The following PRRC2B variants were observed in gnomAD, a reference collection of about 807,000 sequenced individuals.
PRRC2B encodes proline rich coiled-coil 2B.
A neutral mutation model predicts 242.3 loss-of-function variants in PRRC2B; 68 were observed. The ratio of observed to expected loss-of-function variants is 0.28; its 90% CI spans 0.23 to 0.34. The LOEUF is 0.34. PRRC2B is among the 10% of genes least tolerant of loss of function. PRRC2B has a pLI of 1.00. For synonymous variants in PRRC2B, 1,228 were observed against 1,173.6 expected, an observed-to-expected ratio of 1.05 and a Z score of -0.95; for missense variants, 2,835 against 2,954.8, an observed-to-expected ratio of 0.96 and a Z score of 0.94.
In PRRC2B at chr9:131,487,777, C is replaced by G; in HGVS notation, c.5985-79C>G. 6.5e-7 allele frequency: 1 copy of G among 1,537,444 alleles called. No homozygotes were observed. The highest frequency in any genetic ancestry group is 8.8e-7 in the Non-Finnish European group (1 of 1,135,934). On this transcript the variant is annotated intron_variant, in intron 27 of 31. Transcript: ENST00000683519. The surrounding 1 kb of genome is among the most constrained non-coding windows in gnomAD (Gnocchi z 5.3). ...GGGATCTGTGGTTTAGCAAGCTCTCCGGGGATCTCTGAAGGGTGGGACCAG... is the reference window on the plus strand; with the variant it reads ...GGGATCTGTGGTTTAGCAAGCTCTCGGGGGATCTCTGAAGGGTGGGACCAG...
chr9:131,421,337 T>C (rs991661855), intron 1 of PRRC2B, among the ~76,000 whole-genome samples: 1 of 152,164 alleles, frequency 6.6e-6, no homozygotes, highest in Admixed American at 6.5e-5. Flanking sequence ...TTGCCAGACA[T>C]TGATTGGTGT....
chr9:131,484,816 G>A (rs771126059), intron 24 of PRRC2B, 26 bp downstream of exon 24: 5 of 1,587,260 alleles, frequency 3.2e-6, no homozygotes, highest in Non-Finnish European at 4.3e-6. Flanking sequence ...AGCTGGGTGA[G>A]GGCCCACCCA....
chr9:131,467,424 C>G, intron 12 of PRRC2B, 139 bp from the exon 13 acceptor site: 1 of 730,334 alleles, frequency 1.4e-6, no homozygotes, highest in East Asian at 2.7e-5. Context: ...GCGTTTGGCA[C>G]AGGGCCAGGG....
At position 131,473,592 on chromosome 9, in the gene PRRC2B, A is replaced by G; in HGVS notation, c.2192A>G (p.Gln731Arg). The change falls in exon 15 of 32, where the codon CAA (glutamine) becomes CGA (arginine). Residue 731 changes from glutamine to arginine, a missense_variant. Transcript: ENST00000683519. The part of the protein sequence containing the change: ...SEDQNCVPPL[Q>R]ERKVTPIDSP... Reference sequence around the variant, plus strand: ...GATCAGAACTGTGTGCCCCCACTCCAAGAAAGAAAAGTGACCCCCATCGAC... The same window carrying G: ...GATCAGAACTGTGTGCCCCCACTCCGAGAAAGAAAAGTGACCCCCATCGAC... 6.2e-7 allele frequency: 1 copy of G among 1,612,542 alleles called. No individual in the cohort carries two copies. Among genetic ancestry groups the G allele is most frequent in the South Asian group, 1.1e-5 (1 of 90,626 alleles).
chr9:131,396,641 C>T (rs1236125011), intron 1 of PRRC2B, among the ~76,000 whole-genome samples: 3 of 152,156 alleles, frequency 2.0e-5, no homozygotes, highest in African/African-American at 7.2e-5. Context: ...TCTCTTAATG[C>T]TTATTTTTTC....
At position 131,446,320 on chromosome 9, in the gene PRRC2B, T is replaced by C; in HGVS notation, c.614-81T>C. On this transcript the variant is annotated intron_variant, in intron 6 of 31. Coordinates refer to ENST00000683519, the MANE Select transcript of PRRC2B (RefSeq NM_013318.4). The surrounding 1 kb of genome is among the most constrained non-coding windows in gnomAD (Gnocchi z 4.1). ...TTTATTTTTTTGGTGAAGGAGGGGG[T>C]CCCTTGACCTTCAGAACCTCATACG... 6.7e-7 allele frequency: 1 copy of C among 1,489,956 alleles called. No homozygotes were observed. Among genetic ancestry groups the C allele is most frequent in the Non-Finnish European group, 9.1e-7 (1 of 1,103,618 alleles). 92.3% of individuals were successfully genotyped at this position (1,489,956 alleles called of 1,614,324 possible). A position where few individuals can be genotyped will look rare whatever the true frequency, so the allele number is the denominator to read the frequency against.
At chr9:131,410,142 C>T (rs1837468988) in intron 1 of PRRC2B, among the ~76,000 whole-genome samples, 1 of 152,204 alleles carries the variant, frequency 6.6e-6, no homozygotes, top group Admixed American at 6.5e-5. Context: ...AAATTAACCG[C>T]ATCTTCAAAG....
intron 9 of PRRC2B, among the ~76,000 whole-genome samples, chr9:131,452,101 GATCA>G (rs1942939958): frequency 8.8e-4 from 4 of 4,568 alleles, no homozygotes; most frequent in Non-Finnish European, 3.5e-3. Context: ...ATTTTTGTAA[GATCA>G]GTATAAGATT....
At chr9:131,424,420 C>T (rs1020811748) in intron 1 of PRRC2B, among the ~76,000 whole-genome samples, 2 of 152,098 alleles carry the variant, frequency 1.3e-5, no homozygotes, top group Admixed American at 1.3e-4. Flanking sequence ...GGTGTGGTGG[C>T]TCACGCTTGT....
intron 11 of PRRC2B, among the ~76,000 whole-genome samples, chr9:131,460,635 C>T (rs558677769): frequency 2.0e-5 from 3 of 152,300 alleles, no homozygotes; most frequent in Admixed American, 6.5e-5. Flanking sequence ...CTGAACATCT[C>T]GTTTTTGATC....
chr9:131,459,479 T>G, intron 11 of PRRC2B, 123 bp downstream of exon 11: 5 of 903,628 alleles, frequency 5.5e-6, no homozygotes, highest in Non-Finnish European at 8.2e-6. Flanking sequence ...GTTAAAATGT[T>G]TTTTCATAGA....
intron 28 of PRRC2B, among the ~76,000 whole-genome samples, chr9:131,489,184 CTT>C (rs558036228): frequency 2.1e-4 from 27 of 131,564 alleles, no homozygotes; most frequent in Admixed American, 3.8e-4. Flanking sequence ...CTCCAAAATT[CTT>C]TTTTTTTTTT....
In PRRC2B at chr9:131,387,290, C is replaced by T. The variant is rs754102512; in HGVS notation, c.-56+13559C>T. ...TGCTGGGATTACAGGCGTGAGCCAC[C>T]GCGCCCGGCCACCTGTCTCTCTCTC... On this transcript the variant is annotated intron_variant, in intron 1 of 1. Coordinates refer to the PRRC2B transcript ENST00000682525. Among the ~76,000 whole-genome samples, 22 of 150,098 alleles carry T rather than the reference C, an allele frequency of 1.5e-4. 2 individuals are homozygous for T. The highest frequency in any genetic ancestry group is 6.3e-4 in the South Asian group (3 of 4,750).
intron 3 of PRRC2B, among the ~76,000 whole-genome samples, chr9:131,435,304 A>G (rs897366481): frequency 1.6e-4 from 24 of 147,030 alleles, no homozygotes; most frequent in Non-Finnish European, 3.0e-5. Context: ...TCTCGAAAAA[A>G]AAGAAAAGAA....
At chr9:131,441,544 C>A (rs898572268) in intron 5 of PRRC2B, among the ~76,000 whole-genome samples, 1 of 152,084 alleles carries the variant, frequency 6.6e-6, no homozygotes, top group Admixed American at 6.6e-5. Context: ...TTTAAAAAAA[C>A]AAAGAAAATA....
At position 131,446,518 on chromosome 9, in the gene PRRC2B, C is replaced by T. The variant is rs772017571; in HGVS notation, c.731C>T (p.Ser244Leu). ...NSSTGDGAPS[S>L]ACTSDSKDPS... The stretch of plus-strand genomic sequence containing the variant: ...AGTACGGGAGATGGAGCCCCCTCCT[C>T]GGCATGTACCAGCGATTCTAAGGAC... The change falls in exon 7 of 32, where the codon TCG becomes TTG. Residue 244 changes from serine to leucine, a missense_variant. Around this residue, in one of 7 missense-constraint regions of PRRC2B, gnomAD observed 626 missense variants for 685.5 expected, o/e 0.91. Coordinates refer to ENST00000683519, the MANE Select transcript of PRRC2B (RefSeq NM_013318.4). The surrounding 1 kb of genome is among the most constrained non-coding windows in gnomAD (Gnocchi z 4.1). The T allele has an allele frequency of 4.3e-5, 70 of 1,613,792 alleles. No individual in the cohort carries two copies. The highest frequency in any genetic ancestry group is 6.6e-5 in the South Asian group (6 of 91,078).
In PRRC2B at chr9:131,432,721, G is replaced by C. The variant is rs754670682; in HGVS notation, c.220G>C (p.Asp74His). The C allele has an allele frequency of 6.2e-7, 1 of 1,614,004 alleles. No individual in the cohort carries two copies. The highest frequency in any genetic ancestry group is 1.1e-5 in the South Asian group (1 of 91,076). Residue 74 changes from aspartate (D) to histidine (H), a missense_variant, in exon 3 of 32, where the codon GAC (aspartate) becomes CAC (histidine). Physicochemically the swap from Asp to His is moderately conservative, Grantham distance 81. This residue lies in a region of PRRC2B where 626 missense variants were observed against 685.5 expected (regional missense o/e 0.91). Transcript: ENST00000683519. ...CTTGAAGTCTGAAAACAAAGGAAAC[G>C]ACCCCAACATCGTGATAGTACCCAA... ...PSLKSENKGN[D>H]PNIVIVPKDG... is the part of the protein sequence containing the mutation.
rs563507562 is a variant in PRRC2B, at chr9:131,470,820, G to A, written c.1944G>A (p.Pro648=). Residue 648 remains proline (P), a synonymous_variant, in exon 14 of 32, where the codon CCG becomes CCA. Coordinates refer to ENST00000683519, the MANE Select transcript of PRRC2B (RefSeq NM_013318.4). ...TGTACAAGATGCAGCACTGGCAGCC[G>A]GTGTACCCCCCGCCGTCCCACCCCC... ...EQLYKMQHWQ[P]VYPPPSHPQR... is the part of the protein sequence containing the mutation. The A allele has an allele frequency of 1.7e-5, 27 of 1,612,448 alleles. No individual in the cohort carries two copies. The highest frequency in any genetic ancestry group is 1.7e-5 in the Admixed American group (1 of 59,960).
chr9:131,472,632 A>G (rs530018338), intron 14 of PRRC2B, among the ~76,000 whole-genome samples: 2 of 152,038 alleles, frequency 1.3e-5, no homozygotes, highest in Non-Finnish European at 2.9e-5. Context: ...ACCTGCCACC[A>G]TGCCTGGCTG....
Sources: allele counts gnomAD v4.1 joint callset (sites outside exome capture counted in the v4.1 genomes callset), GRCh38; gene constraint gnomAD v4.1.1; regional missense constraint gnomAD v4.1.1; non-coding constraint Gnocchi (gnomAD v3.1); transcripts MANE v1.5; gene names NCBI Gene and HGNC (gene_info 2026-07-23, HGNC 2026-07-21).